Variants in ATG9A observed in about 807,000 individuals in gnomAD.
The protein encoded by ATG9A is autophagy related 9A.
Under a neutral mutation model 87.1 loss-of-function variants are expected in ATG9A, and 21 were observed. The ratio of observed to expected loss-of-function variants is 0.24; its 90% CI spans 0.17 to 0.35. The LOEUF (loss-of-function observed/expected upper bound fraction) is 0.35. Among genes scored for constraint, ATG9A ranks in the 10% least tolerant of loss-of-function variants. The probability of loss-of-function intolerance (pLI) is 1.00; values close to 1 mark genes in which losing one functional copy is unlikely to be tolerated. For synonymous variants in ATG9A, 422 were observed against 441.3 expected (o/e 0.96, Z 0.55); for missense variants, 836 against 1,107.3 (o/e 0.76, Z 3.48).
chr2:219,226,764 C>G, intron 5 of ATG9A, 105 bp downstream of exon 5: 1 of 1,058,144 alleles, frequency 9.5e-7, no homozygotes, highest in South Asian at 1.3e-5. Context: ...GGAGTTTTAG[C>G]CTAGGACTGA....
chr2:219,227,996 C>T lies in ATG9A; in HGVS notation c.29G>A (p.Arg10His). The change falls in exon 3 of 16, where the codon CGC becomes CAC. Residue 10 changes from arginine (R) to histidine (H), a missense_variant. By Grantham distance (29) the Arg-to-His change is conservative. Around this residue, in one of 2 missense-constraint regions of ATG9A, gnomAD observed 512 missense variants for 759.6 expected, o/e 0.67. Coordinates refer to ENST00000361242, the MANE Select transcript of ATG9A (RefSeq NM_001077198.3). ...TGAATCACTATAGGAGGCCTCTAGG[C>T]GCTGGTATTCAGTGTCAAACTGCGC... MAQFDTEYQRLEASYSDSPP... is the reference protein window; with the variant it reads MAQFDTEYQHLEASYSDSPP... 2 of 1,614,078 alleles carry T rather than the reference C, an allele frequency of 1.2e-6. No homozygotes were observed. The highest frequency in any genetic ancestry group is 1.7e-6 in the Non-Finnish European group (2 of 1,179,984).
chr2:219,224,242 C>A lies in ATG9A; in HGVS notation c.1129G>T (p.Ala377Ser). The A allele has an allele frequency of 6.2e-7, 1 of 1,613,884 alleles. No homozygotes were observed. Among genetic ancestry groups the A allele is most frequent in the East Asian group, 2.2e-5 (1 of 44,890 alleles). Residue 377 changes from alanine (A) to serine (S), a missense_variant, in exon 8 of 16, where the codon GCC (alanine) becomes TCC (serine). Physicochemically the swap from Ala to Ser is moderately conservative, Grantham distance 99. This residue lies in a region of ATG9A where 512 missense variants were observed against 759.6 expected (regional missense o/e 0.67). Transcript: ENST00000361242. The surrounding 1 kb of genome is among the most constrained non-coding windows in gnomAD (Gnocchi z 7.7). The part of the protein sequence containing the change: ...CFLSPLLTLL[A>S]KNGAFFAGSI... ...CCAGCGAAGAAGGCTCCATTCTTGG[C>A]CAGCAGTGTCAAAAGAGGTGACAAG...
At position 219,224,557 on chromosome 2, in the gene ATG9A, C is replaced by T. The variant is rs375759389; in HGVS notation, c.814G>A (p.Glu272Lys). Residue 272 changes from glutamate to lysine, a missense_variant, in exon 8 of 16, where the codon GAG (glutamate) becomes AAG (lysine). Glu to Lys is a moderately conservative substitution (Grantham distance 56). Transcript: ENST00000361242. The surrounding 1 kb of genome is among the most constrained non-coding windows in gnomAD (Gnocchi z 7.7). ...AGCCGTTGCCCCCCACGTTTGTACTCGGCCTTGAGGCTCCATTCATTGAGA... is the reference window on the plus strand; with the variant it reads ...AGCCGTTGCCCCCCACGTTTGTACTTGGCCTTGAGGCTCCATTCATTGAGA... The part of the protein sequence containing the change: ...LFLNEWSLKA[E>K]YKRGGQRLEL... The T allele has an allele frequency of 2.0e-5, 32 of 1,614,064 alleles. No homozygotes were observed. Among genetic ancestry groups the T allele is most frequent in the Middle Eastern group, 1.6e-4 (1 of 6,084 alleles).
intron 13 of ATG9A, 149 bp from the exon 14 acceptor site, chr2:219,221,451 T>C (rs1320484881): frequency 2.9e-6 from 2 of 696,586 alleles, no homozygotes; most frequent in South Asian, 2.2e-5. Context: ...GTGTGTAATA[T>C]ACCTCTGATC....
Position 219,220,299 on chromosome 2 carries a change from G to T in ATG9A, c.*148C>A. The T allele has an allele frequency of 3.7e-6, 4 of 1,084,068 alleles. No individual in the cohort carries two copies. The highest frequency in any genetic ancestry group is 5.3e-6 in the Non-Finnish European group (4 of 751,292). 67.2% of individuals were successfully genotyped at this position (1,084,068 alleles called of 1,614,324 possible). A position where few individuals can be genotyped will look rare whatever the true frequency, so the allele number is the denominator to read the frequency against. On this transcript the variant is annotated 3_prime_UTR_variant, in exon 16 of 16. Transcript: ENST00000361242. ...CTGGGGCTGTGGCAAGCCCAGTGTT[G>T]GCACCTCCCTTGGCCAGGCACAGAC...
rs774950012 is a variant in ATG9A, at chr2:219,221,182, T to C, written c.2266A>G (p.Ile756Val). ...GGEGARAPQS[I>V]PRSASYPCAA... ...CAGGGATAGCTAGCAGAGCGAGGGA[T>C]AGACTGGGGGGCCCGGGCGCCCTCT... Residue 756 changes from isoleucine to valine, a missense_variant, in exon 14 of 16, where the codon ATC (isoleucine) becomes GTC (valine). This residue lies in a region of ATG9A where 324 missense variants were observed against 347.6 expected (regional missense o/e 0.93). Transcript: ENST00000361242. The C allele has an allele frequency of 3.7e-6, 6 of 1,600,394 alleles. No homozygotes were observed. The highest frequency in any genetic ancestry group is 1.1e-5 in the South Asian group (1 of 89,440).
intron 13 of ATG9A, 147 bp from the exon 14 acceptor site, chr2:219,221,449 T>C: frequency 1.4e-6 from 1 of 704,498 alleles, no homozygotes; most frequent in East Asian, 2.9e-5. Context: ...TAGTGTGTAA[T>C]ATACCTCTGA....
In ATG9A at chr2:219,224,941, G is replaced by A. The variant is rs1316599330; in HGVS notation, c.517-87C>T. On this transcript the variant is annotated intron_variant, in intron 7 of 15. Transcript: ENST00000361242. This position sits in a 1 kb window ranked among gnomAD's most constrained non-coding sequence, Gnocchi z 7.7. ...TGCCCTATATTAGAAGTGAGATTCAGGGGTTGTGAGCTTAAGAGACAGTTC... is the reference window on the plus strand; with the variant it reads ...TGCCCTATATTAGAAGTGAGATTCAAGGGTTGTGAGCTTAAGAGACAGTTC... 1 of 1,577,480 alleles carries A rather than the reference G, an allele frequency of 6.3e-7. No individual in the cohort carries two copies. Among genetic ancestry groups the A allele is most frequent in the Admixed American group, 1.7e-5 (1 of 59,064 alleles).
intron 3 of ATG9A, 26 bp downstream of exon 3, chr2:219,227,896 T>C (rs1451119863): frequency 1.2e-6 from 2 of 1,613,330 alleles, no homozygotes; most frequent in Non-Finnish European, 1.7e-6. Flanking sequence ...CAACTCTCCC[T>C]ATGGCTGTCA....
At chr2:219,227,011 A>C (rs1950875104) in intron 4 of ATG9A, 78 bp from the exon 5 acceptor site, 3 of 1,213,268 alleles carry the variant, frequency 2.5e-6, no homozygotes, top group Non-Finnish European at 3.7e-6. Flanking sequence ...ACTCAAGCTT[A>C]AGTCCTGGCT....
chr2:219,227,091 G>C (rs1950876923), intron 4 of ATG9A, among the ~76,000 whole-genome samples, 158 bp from the exon 5 acceptor site: 2 of 152,208 alleles, frequency 1.3e-5, no homozygotes, highest in Admixed American at 1.3e-4. Context: ...GTCCATGGTG[G>C]TACATTAGGA....
chr2:219,222,743 C>A lies in ATG9A; in HGVS notation c.1750G>T (p.Val584Phe). Residue 584 changes from valine to phenylalanine, a missense_variant, in exon 11 of 16, where the codon GTT becomes TTT. Transcript: ENST00000361242. This position sits in a 1 kb window ranked among gnomAD's most constrained non-coding sequence, Gnocchi z 4.3. ...TAFLGFLKEQ[V>F]QRDGAAASLA... is the part of the protein sequence containing the mutation. ...CTAGCAGCTGCTCCATCCCGCTGAA[C>A]CTGCTCCTTGAGGAAGCCTAGGAAG... The A allele has an allele frequency of 6.2e-7, 1 of 1,614,208 alleles. No homozygotes were observed. The highest frequency in any genetic ancestry group is 8.5e-7 in the Non-Finnish European group (1 of 1,180,042).
Position 219,220,969 on chromosome 2 carries a change from G to T in ATG9A, c.2369-77C>A, listed in dbSNP as rs892540551. ...GGAACAGGGCTGGGGGGCTGCTTGG[G>T]GGGTGAGTCTTTGGGCCTGTTCTCT... On this transcript the variant is annotated intron_variant, in intron 14 of 15. Coordinates refer to ENST00000361242, the MANE Select transcript of ATG9A (RefSeq NM_001077198.3). 6 of 1,598,756 alleles carry T rather than the reference G, an allele frequency of 3.8e-6. 1 individual carries two copies. Among genetic ancestry groups the T allele is most frequent in the Admixed American group, 3.4e-5 (2 of 59,332 alleles).
At chr2:219,226,206 G>A (rs1456637188) in intron 5 of ATG9A, among the ~76,000 whole-genome samples, 1 of 152,078 alleles carries the variant, frequency 6.6e-6, no homozygotes, top group East Asian at 2.0e-4. Flanking sequence ...CACCTCCCAG[G>A]TTGAAGCGAT....
At chr2:219,226,297 T>A (rs940921812) in intron 5 of ATG9A, among the ~76,000 whole-genome samples, 1 of 152,038 alleles carries the variant, frequency 6.6e-6, no homozygotes, top group African/African-American at 2.4e-5. Flanking sequence ...TTTTAGAGCC[T>A]CCTAAAGTGC....
chr2:219,223,334 C>T lies in ATG9A; in HGVS notation c.1599+251G>A, dbSNP rs575423761. Among the ~76,000 whole-genome samples the T allele has an allele frequency of 2.5e-4, 38 of 152,158 alleles. No homozygotes were observed. Among genetic ancestry groups the T allele is most frequent in the African/African-American group, 7.7e-4 (32 of 41,508 alleles). On this transcript the variant is annotated intron_variant, in intron 10 of 15. Transcript: ENST00000361242. The surrounding 1 kb of genome is among the most constrained non-coding windows in gnomAD (Gnocchi z 4.7). ...CGATCTCCTGACCTCGTGATCCACC[C>T]GCCTTGGCCTCCCAAAGTGCTGGGA...
chr2:219,225,005 G>C, intron 7 of ATG9A, 66 bp downstream of exon 7: 2 of 1,599,302 alleles, frequency 1.3e-6, no homozygotes, highest in South Asian at 1.1e-5. Context: ...CTGATGCCCA[G>C]GAATACACCC....
In ATG9A at chr2:219,227,515, CAAAAA is replaced by C. The variant is rs34195462; in HGVS notation, c.147+250_147+254del. On this transcript the variant is annotated intron_variant, in intron 4 of 15. Coordinates refer to ENST00000361242, the MANE Select transcript of ATG9A (RefSeq NM_001077198.3). ...CAACAGAGACAGACTCCATCTCAAACAAAAAAAAAAGGAGGCTCACCCTTAGAAAG... is the reference window on the plus strand; with the variant it reads ...CAACAGAGACAGACTCCATCTCAAACAAAAAGGAGGCTCACCCTTAGAAAG... 2.6e-5 allele frequency among the ~76,000 whole-genome samples: 4 copies of C among 150,944 alleles called. No homozygotes were observed. The South Asian group carries it at 8.4e-4, about 32-fold the overall frequency.
At chr2:219,227,337 T>C (rs961360429) in intron 4 of ATG9A, among the ~76,000 whole-genome samples, 2 of 152,112 alleles carry the variant, frequency 1.3e-5, no homozygotes, top group African/African-American at 4.8e-5. Flanking sequence ...TGCCACATGG[T>C]GAAACCCTGT....
Sources: allele counts gnomAD v4.1 joint callset (sites outside exome capture counted in the v4.1 genomes callset), GRCh38; gene constraint gnomAD v4.1.1; regional missense constraint gnomAD v4.1.1; non-coding constraint Gnocchi (gnomAD v3.1); transcripts MANE v1.5; gene names NCBI Gene and HGNC (gene_info 2026-07-23, HGNC 2026-07-21).